HDAC8: variants seen among roughly 807,000 people sequenced by gnomAD.
The protein encoded by HDAC8 is histone deacetylase 8.
Under a neutral mutation model 32.2 loss-of-function variants are expected in HDAC8, and 1 was observed. The ratio of observed to expected loss-of-function variants is 0.03; its 90% CI spans 0.01 to 0.15. The LOEUF (loss-of-function observed/expected upper bound fraction) is 0.15, where lower values mean the gene tolerates loss of function less well. Ranked by LOEUF, HDAC8 falls within the 10% of genes least tolerant of loss-of-function variation. The pLI is 1.00. For synonymous variants in HDAC8, 108 were observed against 113.9 expected (o/e 0.95, Z 0.33); for missense variants, 117 against 300.0 (o/e 0.39, Z 4.51).
chrX:72,389,816 G>A (rs2045563981), intron 9 of HDAC8, among the ~76,000 whole-genome samples: 1 of 111,585 alleles, frequency 9.0e-6, no homozygotes, highest in Admixed American at 9.5e-5. Flanking sequence ...ACAGGAAGCT[G>A]CCACCCTAAT....
intron 10 of HDAC8, among the ~76,000 whole-genome samples, chrX:72,345,324 G>A (rs1438594995): frequency 9.0e-6 from 1 of 111,256 alleles, no homozygotes; most frequent in East Asian, 2.8e-4. Flanking sequence ...GGAGATGGAT[G>A]TTGAGTAGGT....
Position 72,423,099 on chromosome X carries a change from A to C in HDAC8, c.1005+38905T>G, listed in dbSNP as rs1290260263. ...AATTAAAAAATTATAACTTTTTTTT[A>C]AAAAGGAATCTTTTTAATTTTACCC... On this transcript the variant is annotated intron_variant, in intron 9 of 10. Transcript: ENST00000373573. 3.6e-5 allele frequency among the ~76,000 whole-genome samples: 4 copies of C among 112,049 alleles called. No individual in the cohort carries two copies. The East Asian group carries it at 1.1e-3, about 31-fold the overall frequency.
At chrX:72,475,695 T>G (rs1163315256) in intron 7 of HDAC8, among the ~76,000 whole-genome samples, 1 of 111,536 alleles carries the variant, frequency 9.0e-6, no homozygotes, top group African/African-American at 3.3e-5. Context: ...ACATTTAATT[T>G]TCTGTAAGTT....
At position 72,567,913 on chromosome X, in the gene HDAC8, G is replaced by A; in HGVS notation, c.413C>T (p.Ser138Phe). The change falls in exon 4 of 11, where the codon TCT becomes TTT. Residue 138 changes from serine to phenylalanine, a missense_variant. Transcript: ENST00000373573. The part of the protein sequence containing the change: ...DGMCKVAINW[S>F]GGWHHAKKDE... ...CTTCTTTGCATGATGCCACCCTCCA[G>A]ACCAGTTAATTGCTACTTTGCACAT... The A allele has an allele frequency of 8.3e-7, 1 of 1,211,748 alleles. No individual in the cohort carries two copies.
intron 5 of HDAC8, among the ~76,000 whole-genome samples, chrX:72,491,384 T>C (rs1361066045): frequency 8.9e-6 from 1 of 112,436 alleles, no homozygotes; most frequent in African/African-American, 3.2e-5. Context: ...GGAACCATCT[T>C]ACAAGTTGTA....
intron 9 of HDAC8, among the ~76,000 whole-genome samples, chrX:72,444,271 G>A (rs1725194782): frequency 9.5e-6 from 1 of 104,804 alleles, no homozygotes; most frequent in Non-Finnish European, 1.9e-5. Flanking sequence ...GATGAACATT[G>A]ATGCAAAAAT....
chrX:72,488,418 T>C (rs1270336155), intron 7 of HDAC8, among the ~76,000 whole-genome samples: 1 of 111,490 alleles, frequency 9.0e-6, no homozygotes, highest in African/African-American at 3.3e-5. Context: ...CTGTCTACGA[T>C]TGTCTGTAAC....
chrX:72,331,590 G>A (rs187701257), intron 10 of HDAC8, among the ~76,000 whole-genome samples: 1 of 110,235 alleles, frequency 9.1e-6, no homozygotes, highest in African/African-American at 3.3e-5. Context: ...TTTTTGTACT[G>A]AGCTCTTACT....
intron 10 of HDAC8, among the ~76,000 whole-genome samples, chrX:72,345,688 A>AT (rs1303668458): frequency 6.3e-5 from 7 of 110,383 alleles, no homozygotes; most frequent in Admixed American, 4.8e-4. Context: ...ATTAAAAAAA[A>AT]TTTTTTTTTG....
intron 9 of HDAC8, among the ~76,000 whole-genome samples, chrX:72,396,042 A>G (rs1029461948): frequency 8.9e-6 from 1 of 111,840 alleles, no homozygotes; most frequent in Non-Finnish European, 1.9e-5. Flanking sequence ...AAGAGGACTG[A>G]GGAGAAATTT....
chrX:72,539,584 T>C (rs782486987), intron 4 of HDAC8, among the ~76,000 whole-genome samples: 2 of 111,305 alleles, frequency 1.8e-5, no homozygotes, highest in Non-Finnish European at 3.8e-5. Context: ...TCTTAAAAAA[T>C]GTTAATCAAA....
At chrX:72,415,152 C>A (rs1274267302) in intron 9 of HDAC8, among the ~76,000 whole-genome samples, 2 of 112,308 alleles carry the variant, frequency 1.8e-5, no homozygotes, top group Non-Finnish European at 3.8e-5. Flanking sequence ...TACTAATTTG[C>A]TGATAGATAT....
intron 9 of HDAC8, among the ~76,000 whole-genome samples, chrX:72,431,116 C>T (rs113095515): frequency 0.011 from 1,175 of 110,955 alleles, 12 homozygotes; most frequent in African/African-American, 0.029. Context: ...GCCTCACAAC[C>T]AGCCTAGACC....
rs1556168767 is a variant in HDAC8 at position 72,572,809 on chromosome X, T to C, written c.-48A>G. The stretch of plus-strand genomic sequence containing the variant: ...AGCCACCTTCCAGATCTGGCTTTTT[T>C]CGGACTCGGCCAGGGTTCCAGTTCC... On this transcript the variant is annotated 5_prime_UTR_variant, in exon 1 of 11. Coordinates refer to ENST00000373573, the MANE Select transcript of HDAC8 (RefSeq NM_018486.3). 1 of 1,066,355 alleles carries C rather than the reference T, an allele frequency of 9.4e-7. No individual in the cohort carries two copies. The highest frequency in any genetic ancestry group is 3.0e-5 in the East Asian group (1 of 33,247). The allele number at this position is 1,066,355 out of a possible 1,213,427, so 87.9% of individuals were successfully genotyped here. A position where few individuals can be genotyped will look rare whatever the true frequency, so the allele number is the denominator to read the frequency against.
rs368139150 is a variant in HDAC8 at position 72,351,724 on chromosome X, G to A, written c.1111+9C>T. The A allele has an allele frequency of 9.2e-5, 108 of 1,177,601 alleles. No individual in the cohort carries two copies. The highest frequency in any genetic ancestry group is 1.9e-4 in the African/African-American group (11 of 56,710). ...ACAAGGAGGGCAGGCCTCGAGGGGC[G>A]GTGCTCACCTTTGATGTAGTTGAGG... On this transcript the variant is annotated intron_variant, in intron 10 of 10. Transcript: ENST00000373573.
intron 9 of HDAC8, among the ~76,000 whole-genome samples, chrX:72,446,389 C>A (rs1460728568): frequency 9.0e-6 from 1 of 111,034 alleles, no homozygotes; most frequent in Non-Finnish European, 1.9e-5. Flanking sequence ...TTTGTAGGGA[C>A]ATGGATGAAA....
intron 9 of HDAC8, among the ~76,000 whole-genome samples, chrX:72,355,048 C>G (rs1486499738): frequency 1.8e-5 from 2 of 112,119 alleles, no homozygotes; most frequent in Non-Finnish European, 3.8e-5. Flanking sequence ...CCAGACCAAG[C>G]CCAGCAGCCT....
chrX:72,437,757 T>C (rs1446443033), intron 9 of HDAC8, among the ~76,000 whole-genome samples: 1 of 111,885 alleles, frequency 8.9e-6, no homozygotes, highest in Non-Finnish European at 1.9e-5. Flanking sequence ...CCACCACAGC[T>C]CTGCAAAGCC....
intron 9 of HDAC8, among the ~76,000 whole-genome samples, chrX:72,460,282 G>A (rs899425854): frequency 1.2e-4 from 13 of 110,285 alleles, no homozygotes; most frequent in African/African-American, 3.6e-4. Flanking sequence ...GATTACAGGC[G>A]TGCACCACCA....
Sources: allele counts gnomAD v4.1 joint callset (sites outside exome capture counted in the v4.1 genomes callset), GRCh38; gene constraint gnomAD v4.1.1; transcripts MANE v1.5; gene names NCBI Gene and HGNC (gene_info 2026-07-23, HGNC 2026-07-21).